SYNPR: variants seen among roughly 807,000 people sequenced by gnomAD.
SYNPR encodes the protein synaptoporin.
SYNPR carries 23 observed loss-of-function variants against 32.9 expected under a neutral mutation model. That is an observed-to-expected ratio of 0.70 (90% confidence interval 0.50 to 0.99). The LOEUF is 0.99. Among genes scored for constraint, SYNPR ranks in the 50% least tolerant of loss-of-function variants. The probability of loss-of-function intolerance (pLI) is 0.00; values close to 1 mark genes in which losing one functional copy is unlikely to be tolerated. For missense variants in SYNPR, 318 were observed against 349.3 expected (o/e 0.91, Z 0.71); for synonymous variants, 146 against 135.9 (o/e 1.07, Z -0.52).
Position 63,278,691 on chromosome 3 carries a change from C to G in SYNPR, c.33C>G (p.Gly11=). 1 of 1,551,688 alleles carries G rather than the reference C, an allele frequency of 6.4e-7. No individual in the cohort carries two copies. Among genetic ancestry groups the G allele is most frequent in the Non-Finnish European group, 8.7e-7 (1 of 1,146,988 alleles). Residue 11 remains glycine (G), a synonymous_variant, in exon 2 of 6, where the codon GGC becomes GGG. Coordinates refer to ENST00000478300, the MANE Select transcript of SYNPR (RefSeq NM_001130003.2). The part of the protein sequence containing the change: MDPVSQLASA[G]TFRVLKEPLA... The stretch of plus-strand genomic sequence containing the variant: ...TTCCCCCAAAGCTGGCCTCTGCGGG[C>G]ACCTTCCGGGTGCTGAAGGAGCCCC...
At chr3:63,602,828 G>A (rs972152396) in intron 4 of SYNPR, among the ~76,000 whole-genome samples, 9 of 151,992 alleles carry the variant, frequency 5.9e-5, no homozygotes, top group African/African-American at 2.2e-4. Flanking sequence ...TGGTCATTCA[G>A]GCTCATTTTT....
chr3:63,377,692 A>C (rs1327162729), intron 2 of SYNPR, among the ~76,000 whole-genome samples: 1 of 152,076 alleles, frequency 6.6e-6, no homozygotes, highest in Non-Finnish European at 1.5e-5. Flanking sequence ...GTGTTATTAA[A>C]CAAAAACATT....
chr3:63,408,277 G>GAGGAAGGAAGGAAGGA (rs71126602), intron 2 of SYNPR, among the ~76,000 whole-genome samples: 8 of 45,646 alleles, frequency 1.8e-4, no homozygotes, highest in Admixed American at 1.3e-3. Context: ...AAGAAAGAAA[G>GAGGAAGGAAGGAAGGA]AGGAAGGAAG....
intron 2 of SYNPR, among the ~76,000 whole-genome samples, chr3:63,462,477 G>A (rs925279618): frequency 6.6e-6 from 1 of 151,976 alleles, no homozygotes; most frequent in African/African-American, 2.4e-5. Context: ...AAAACAAATT[G>A]GATACAGACT....
chr3:63,425,410 G>A (rs573544290), intron 2 of SYNPR, among the ~76,000 whole-genome samples: 1 of 152,154 alleles, frequency 6.6e-6, no homozygotes, highest in South Asian at 2.1e-4. Context: ...TGTTATTATG[G>A]GTATACATGC....
intron 4 of SYNPR, among the ~76,000 whole-genome samples, chr3:63,582,207 C>T (rs919371639): frequency 8.5e-5 from 13 of 152,186 alleles, no homozygotes; most frequent in Non-Finnish European, 7.4e-5. Context: ...AAGCACTTAA[C>T]GGGGGAGCTC....
chr3:63,409,858 A>G (rs2088438101), intron 2 of SYNPR, among the ~76,000 whole-genome samples: 1 of 152,156 alleles, frequency 6.6e-6, no homozygotes, highest in South Asian at 2.1e-4. Context: ...TTTGGTTAAT[A>G]AAGTATGAGT....
chr3:63,203,058 A>ATG, the SYNPR span, among the ~76,000 whole-genome samples: 1 of 78,806 alleles, frequency 1.3e-5, no homozygotes, highest in Non-Finnish European at 2.3e-5. Context: ...ATACATATAT[A>ATG]TATGTATGTG....
chr3:63,221,980 TTACA>T, the SYNPR span, among the ~76,000 whole-genome samples: 1 of 147,102 alleles, frequency 6.8e-6, no homozygotes, highest in Non-Finnish European at 1.5e-5. Flanking sequence ...GAAGATTATC[TTACA>T]TGTCTCTGTG....
chr3:63,480,049 G>A (rs1701015004), intron 2 of SYNPR, among the ~76,000 whole-genome samples: 1 of 152,188 alleles, frequency 6.6e-6, no homozygotes, highest in African/African-American at 2.4e-5. Context: ...AATGAACAAA[G>A]TTTAGCATTT....
At chr3:63,602,746 T>C (rs1700064292) in intron 4 of SYNPR, among the ~76,000 whole-genome samples, 1 of 152,232 alleles carries the variant, frequency 6.6e-6, no homozygotes, top group South Asian at 2.1e-4. Flanking sequence ...TTGGTTACTG[T>C]AGCCTTATAG....
At chr3:63,527,072 T>G (rs1300552805) in intron 3 of SYNPR, among the ~76,000 whole-genome samples, 1 of 152,062 alleles carries the variant, frequency 6.6e-6, no homozygotes, top group Non-Finnish European at 1.5e-5. Context: ...TGAGTAGAGC[T>G]CTGAAGAACA....
intron 3 of SYNPR, among the ~76,000 whole-genome samples, chr3:63,481,410 C>A (rs1472850867): frequency 1.3e-5 from 2 of 150,876 alleles, no homozygotes; most frequent in Non-Finnish European, 1.5e-5. Flanking sequence ...CTATGGAACA[C>A]ATCCTTAATA....
At chr3:63,272,343 A>G (rs528622756) in intron 3 of SYNPR, among the ~76,000 whole-genome samples, 1 of 152,294 alleles carries the variant, frequency 6.6e-6, no homozygotes, top group Admixed American at 6.5e-5. Flanking sequence ...GAGCCAGGAT[A>G]TGATGAACTC....
chr3:63,339,662 CT>C (rs34889673), intron 2 of SYNPR, among the ~76,000 whole-genome samples: 213 of 144,272 alleles, frequency 1.5e-3, no homozygotes, highest in Middle Eastern at 3.7e-3. Flanking sequence ...TCCTTGTGTT[CT>C]TTTTTTTTTT....
intron 2 of SYNPR, among the ~76,000 whole-genome samples, chr3:63,465,408 A>C (rs1337264976): frequency 6.6e-6 from 1 of 152,124 alleles, no homozygotes; most frequent in Non-Finnish European, 1.5e-5. Context: ...ATCTAGATTA[A>C]TACTATTTTT....
chr3:63,454,766 G>A (rs1033454450), intron 2 of SYNPR, among the ~76,000 whole-genome samples: 1 of 152,068 alleles, frequency 6.6e-6, no homozygotes, highest in African/African-American at 2.4e-5. Flanking sequence ...GATGTGATGT[G>A]ATGTGATGTG....
At chr3:63,568,167 A>G (rs1359985239) in intron 4 of SYNPR, among the ~76,000 whole-genome samples, 1 of 152,246 alleles carries the variant, frequency 6.6e-6, no homozygotes, top group Non-Finnish European at 1.5e-5. Context: ...ACAGGCCAAG[A>G]ATTAAATAAA....
At chr3:63,428,183 A>C (rs1699925503) in intron 2 of SYNPR, among the ~76,000 whole-genome samples, 1 of 152,216 alleles carries the variant, frequency 6.6e-6, no homozygotes, top group South Asian at 2.1e-4. Flanking sequence ...TTGAGTATTA[A>C]AAATGAAATC....
Sources: allele counts gnomAD v4.1 joint callset (sites outside exome capture counted in the v4.1 genomes callset), GRCh38; gene constraint gnomAD v4.1.1; transcripts MANE v1.5; gene names NCBI Gene and HGNC (gene_info 2026-07-23, HGNC 2026-07-21).